The following SPIDR variants were observed in gnomAD, a reference collection of about 807,000 sequenced individuals.
SPIDR encodes the protein scaffold protein involved in DNA repair, also known as DNA repair-scaffolding protein.
Under a neutral mutation model 104.6 loss-of-function variants are expected in SPIDR, and 93 were observed. The ratio of observed to expected loss-of-function variants is 0.89; its 90% CI spans 0.75 to 1.06. The LOEUF (loss-of-function observed/expected upper bound fraction) is 1.06, where lower values mean the gene tolerates loss of function less well. SPIDR is among the 50% of genes least tolerant of loss of function. The pLI is 0.00. For synonymous variants in SPIDR, 431 were observed against 416.9 expected (o/e 1.03, Z -0.41); for missense variants, 1,154 against 1,111.2 (o/e 1.04, Z -0.55).
At chr8:47,329,024 A>G (rs1234820706) in intron 5 of SPIDR, among the ~76,000 whole-genome samples, 1 of 151,756 alleles carries the variant, frequency 6.6e-6, no homozygotes, top group Admixed American at 6.6e-5. Flanking sequence ...CTCGTGCCTC[A>G]GTCTCCTGAG....
rs376363543 is a variant in SPIDR, at chr8:47,673,900, C to T, written c.1644C>T (p.Ser548=). ...KARQLEGKSC[S]LVGMKVLQKV... ...GACAGTTGGAAGGGAAGTCTTGCAG[C>T]CTGGTGGGAATGAAGGTTCTACAGA... Residue 548 remains serine, a synonymous_variant, in exon 11 of 20, where the codon AGC becomes AGT. Transcript: ENST00000297423. 8 of 1,613,962 alleles carry T rather than the reference C, an allele frequency of 5.0e-6. No homozygotes were observed. In the African/African-American group the frequency reaches 8.0e-5, roughly 16 times the overall value.
chr8:47,361,925 A>C (rs1281206638), intron 5 of SPIDR, among the ~76,000 whole-genome samples: 5 of 152,244 alleles, frequency 3.3e-5, no homozygotes, highest in Non-Finnish European at 5.9e-5. Context: ...ATGTGCTCCC[A>C]GACTGCCTTT....
chr8:47,629,719 A>G (rs1044116663), intron 10 of SPIDR, among the ~76,000 whole-genome samples: 2 of 152,230 alleles, frequency 1.3e-5, no homozygotes, highest in African/African-American at 2.4e-5. Flanking sequence ...GTGCTACTGC[A>G]CTCCAGCCTG....
At chr8:47,426,981 A>G (rs2066512278) in intron 7 of SPIDR, among the ~76,000 whole-genome samples, 1 of 152,238 alleles carries the variant, frequency 6.6e-6, no homozygotes, top group Admixed American at 6.5e-5. Context: ...GAAGAGAGAA[A>G]GAAACAAAGC....
chr8:47,610,277 T>A (rs2063445300), intron 10 of SPIDR, among the ~76,000 whole-genome samples: 1 of 152,142 alleles, frequency 6.6e-6, no homozygotes, highest in Admixed American at 6.5e-5. Flanking sequence ...TAGATCACAC[T>A]TTCCTGTGAG....
At chr8:47,357,027 G>A (rs1192870879) in intron 5 of SPIDR, among the ~76,000 whole-genome samples, 5 of 152,108 alleles carry the variant, frequency 3.3e-5, no homozygotes, top group African/African-American at 1.2e-4. Context: ...GCCAGGAAGG[G>A]GCAGAATGAG....
chr8:47,371,303 G>C (rs568083725), intron 5 of SPIDR, among the ~76,000 whole-genome samples: 3 of 152,118 alleles, frequency 2.0e-5, no homozygotes, highest in Non-Finnish European at 4.4e-5. Flanking sequence ...CAGGGATTAA[G>C]AGCATGGACA....
rs1368423530 is a variant in SPIDR, at chr8:47,324,512, T to G, written c.525+30482T>G. Reference sequence around the variant, plus strand: ...TGCTGTGAAGTGAAATTAGATCTTTTGATTTCAACATCAAAACCTTATAAG... The same window carrying G: ...TGCTGTGAAGTGAAATTAGATCTTTGGATTTCAACATCAAAACCTTATAAG... On this transcript the variant is annotated intron_variant, in intron 5 of 19. Transcript: ENST00000297423. 2.0e-5 allele frequency among the ~76,000 whole-genome samples: 3 copies of G among 152,252 alleles called. No homozygotes were observed. In the East Asian group the frequency reaches 5.8e-4, roughly 29 times the overall value.
intron 8 of SPIDR, among the ~76,000 whole-genome samples, chr8:47,488,966 A>G (rs1200465487): frequency 1.3e-5 from 2 of 151,904 alleles, no homozygotes; most frequent in African/African-American, 2.4e-5. Flanking sequence ...CTCTCTCACC[A>G]CTCCTATTCA....
chr8:47,291,041 A>G lies in SPIDR; in HGVS notation c.265A>G (p.Thr89Ala), dbSNP rs1476941146. 1.6e-5 allele frequency: 25 copies of G among 1,608,084 alleles called. No homozygotes were observed. The highest frequency in any genetic ancestry group is 2.1e-5 in the Non-Finnish European group (25 of 1,176,202). Residue 89 changes from threonine (T) to alanine (A), a missense_variant, in exon 4 of 20, where the codon ACA (threonine) becomes GCA (alanine). Transcript: ENST00000297423. The part of the protein sequence containing the change: ...LCPRPKQETT[T>A]SKSTSGLTDI... The stretch of plus-strand genomic sequence containing the variant: ...TTCTTTTCCTTCAACAGAAACCACC[A>G]CATCTAAAAGCACCAGTGGGCTTAC...
At chr8:47,401,053 A>C (rs2061814084) in intron 6 of SPIDR, among the ~76,000 whole-genome samples, 1 of 152,116 alleles carries the variant, frequency 6.6e-6, no homozygotes, top group Non-Finnish European at 1.5e-5. Flanking sequence ...TCAAGGTTGA[A>C]ATGGAGGAAG....
intron 11 of SPIDR, among the ~76,000 whole-genome samples, chr8:47,678,543 A>G (rs1168448477): frequency 2.0e-5 from 3 of 152,208 alleles, no homozygotes; most frequent in Admixed American, 6.5e-5. Context: ...CTGGTGATGC[A>G]GCACCACCTA....
intron 5 of SPIDR, among the ~76,000 whole-genome samples, chr8:47,318,385 G>A (rs1465705523): frequency 6.6e-6 from 1 of 151,270 alleles, no homozygotes; most frequent in Non-Finnish European, 1.5e-5. Context: ...GAGAAGAGAA[G>A]TTTAGAGAAA....
intron 6 of SPIDR, among the ~76,000 whole-genome samples, chr8:47,398,116 T>C (rs2061449188): frequency 6.6e-6 from 1 of 152,086 alleles, no homozygotes; most frequent in African/African-American, 2.4e-5. Context: ...AGAATGTAAT[T>C]TGTAATAGTA....
At chr8:47,267,753 A>T (rs1338729594) in intron 1 of SPIDR, among the ~76,000 whole-genome samples, 1 of 152,192 alleles carries the variant, frequency 6.6e-6, no homozygotes, top group Non-Finnish European at 1.5e-5. Flanking sequence ...CTGTTCCCCT[A>T]TAAGATGTAT....
chr8:47,689,782 G>A (rs2078361371), intron 11 of SPIDR, among the ~76,000 whole-genome samples: 2 of 152,164 alleles, frequency 1.3e-5, no homozygotes, highest in Non-Finnish European at 2.9e-5. Context: ...CTCCAATGCC[G>A]GTGTCCCACC....
At chr8:47,554,185 C>T (rs1458625219) in intron 8 of SPIDR, among the ~76,000 whole-genome samples, 1 of 152,176 alleles carries the variant, frequency 6.6e-6, no homozygotes, top group Middle Eastern at 3.2e-3. Flanking sequence ...CCCAGTTAGG[C>T]TACTCGAGGG....
At chr8:47,574,397 C>G (rs993938101) in intron 8 of SPIDR, among the ~76,000 whole-genome samples, 5 of 152,064 alleles carry the variant, frequency 3.3e-5, no homozygotes, top group Non-Finnish European at 7.4e-5. Flanking sequence ...CTGTTCTTAT[C>G]TTGTGCCATC....
intron 5 of SPIDR, among the ~76,000 whole-genome samples, chr8:47,354,862 C>G (rs1183473987): frequency 6.6e-6 from 1 of 151,832 alleles, no homozygotes; most frequent in East Asian, 1.9e-4. Flanking sequence ...AGGCTGCTCT[C>G]AAACTCCTGG....
Sources: allele counts gnomAD v4.1 joint callset (sites outside exome capture counted in the v4.1 genomes callset), GRCh38; gene constraint gnomAD v4.1.1; transcripts MANE v1.5; gene names NCBI Gene and HGNC (gene_info 2026-07-23, HGNC 2026-07-21).